PAGE2B: variants seen among roughly 807,000 people sequenced by gnomAD.
PAGE2B encodes PAGE family member 2B, also known as putative G antigen family E member 3.
In PAGE2B, 5 loss-of-function variants were observed where a neutral mutation model predicts 7.6. That is an observed-to-expected ratio of 0.66 (90% confidence interval 0.34 to 1.38). The LOEUF (loss-of-function observed/expected upper bound fraction) is 1.38. PAGE2B is among the 40% of genes most tolerant of loss of function. The probability of loss-of-function intolerance (pLI) is 0.04; values close to 1 mark genes in which losing one functional copy is unlikely to be tolerated. For synonymous variants in PAGE2B, 29 were observed against 26.7 expected (o/e 1.09, Z -0.27); for missense variants, 70 against 78.4 (o/e 0.89, Z 0.41).
chrX:55,035,520 G>T, the PAGE2B span, among the ~76,000 whole-genome samples: 13 of 111,529 alleles, frequency 1.2e-4, no homozygotes, highest in African/African-American at 3.9e-4. Context: ...AGTGAGTTTT[G>T]TAGATGTTGA....
the PAGE2B span, among the ~76,000 whole-genome samples, chrX:55,066,086 C>CTT: frequency 2.8e-3 from 312 of 110,767 alleles, 1 homozygote; most frequent in African/African-American, 1.0e-2. Flanking sequence ...CTTTCTTTCT[C>CTT]TTCTTTTTTC....
At chrX:55,050,042 T>C in the PAGE2B span, among the ~76,000 whole-genome samples, 1 of 112,491 alleles carries the variant, frequency 8.9e-6, no homozygotes, top group Non-Finnish European at 1.9e-5. Context: ...ACCATCTTTA[T>C]TTCTGCCTTC....
At chrX:55,043,968 A>AAATAATAATAATAATAATAAT in the PAGE2B span, among the ~76,000 whole-genome samples, 42 of 102,694 alleles carry the variant, frequency 4.1e-4, no homozygotes, top group African/African-American at 1.5e-3. Context: ...CTCTGTCTCT[A>AAATAATAATAATAATAATAAT]AATAATAATA....
chrX:55,054,372 A>C, the PAGE2B span, among the ~76,000 whole-genome samples: 1 of 112,731 alleles, frequency 8.9e-6, no homozygotes, highest in African/African-American at 3.2e-5. Context: ...AAGTCTATTT[A>C]CATGTCAGTG....
chrX:55,075,451 G>A (rs1936498573), intron 1 of PAGE2B, among the ~76,000 whole-genome samples: 1 of 111,054 alleles, frequency 9.0e-6, no homozygotes, highest in African/African-American at 3.3e-5. Flanking sequence ...GTAGGGACGC[G>A]GGAAGAGACC....
the PAGE2B span, among the ~76,000 whole-genome samples, chrX:55,045,401 C>T: frequency 8.0e-5 from 9 of 111,833 alleles, no homozygotes; most frequent in African/African-American, 2.9e-4. Flanking sequence ...TGCCTTAATA[C>T]TCAGAAGTTG....
At chrX:55,048,247 C>T in the PAGE2B span, among the ~76,000 whole-genome samples, 6 of 111,069 alleles carry the variant, frequency 5.4e-5, no homozygotes, top group Non-Finnish European at 1.1e-4. Flanking sequence ...AGTCAGGTAG[C>T]GTGATGCTTC....
the PAGE2B span, among the ~76,000 whole-genome samples, chrX:55,032,621 C>A: frequency 9.0e-6 from 1 of 111,358 alleles, no homozygotes; most frequent in South Asian, 3.8e-4. Context: ...ATAGAACCTA[C>A]CCTATTGGAT....
chrX:55,040,914 T>A, the PAGE2B span, among the ~76,000 whole-genome samples: 1 of 111,048 alleles, frequency 9.0e-6, no homozygotes, highest in Non-Finnish European at 1.9e-5. Context: ...CTCTGATAGG[T>A]CTGACCTTCT....
chrX:55,068,050 C>G, the PAGE2B span, among the ~76,000 whole-genome samples: 1 of 112,430 alleles, frequency 8.9e-6, no homozygotes, highest in East Asian at 2.8e-4. Context: ...TGCAGAAGCT[C>G]TTTAGTTTAA....
At chrX:55,044,962 A>T in the PAGE2B span, 2 of 111,740 alleles carry the variant, frequency 1.8e-5, no homozygotes, top group Non-Finnish European at 3.8e-5. Context: ...TTTCCCATAG[A>T]CACTATATCC....
the PAGE2B span, among the ~76,000 whole-genome samples, chrX:55,029,943 C>G: frequency 7.6e-5 from 8 of 104,908 alleles, no homozygotes; most frequent in South Asian, 3.6e-3. Flanking sequence ...TGCAGCATTC[C>G]TTGTCCCCCA....
chrX:55,035,752 A>T, the PAGE2B span, among the ~76,000 whole-genome samples: 2 of 112,230 alleles, frequency 1.8e-5, no homozygotes, highest in Non-Finnish European at 3.8e-5. Flanking sequence ...TAATATGAAG[A>T]TACTGATAAT....
the PAGE2B span, among the ~76,000 whole-genome samples, chrX:55,043,989 T>TAATAAC: frequency 9.4e-6 from 1 of 106,619 alleles, no homozygotes; most frequent in East Asian, 2.9e-4. Context: ...ATAATAATAA[T>TAATAAC]AATAATAATA....
upstream of PAGE2B, among the ~76,000 whole-genome samples, chrX:55,072,651 C>T (rs1338494213): frequency 1.8e-5 from 2 of 112,532 alleles, no homozygotes; most frequent in Admixed American, 1.9e-4. Context: ...CATTTAAGTC[C>T]ACTGCAGCTG....
the PAGE2B span, among the ~76,000 whole-genome samples, chrX:55,037,320 A>G: frequency 3.6e-5 from 4 of 112,362 alleles, no homozygotes; most frequent in Middle Eastern, 4.6e-3. Context: ...ATCACTGGCC[A>G]TCAGAGAAAT....
chrX:55,058,351 G>T, the PAGE2B span, among the ~76,000 whole-genome samples: 2 of 110,861 alleles, frequency 1.8e-5, no homozygotes, highest in African/African-American at 3.3e-5. Flanking sequence ...GTTTGTAGAT[G>T]GGGCATAAAG....
intron 1 of PAGE2B, 130 bp from the exon 2 acceptor site, chrX:55,075,904 A>C (rs979445947): frequency 4.5e-6 from 3 of 672,884 alleles, no homozygotes; most frequent in African/African-American, 2.2e-5. Context: ...GTACTTATCA[A>C]TGCTCTGTGA....
At chrX:55,034,726 T>A in the PAGE2B span, among the ~76,000 whole-genome samples, 3 of 106,712 alleles carry the variant, frequency 2.8e-5, no homozygotes, top group Non-Finnish European at 5.7e-5. Context: ...GGGACAGAAC[T>A]AATAGGAGAC....
Sources: allele counts gnomAD v4.1 joint callset (sites outside exome capture counted in the v4.1 genomes callset), GRCh38; gene constraint gnomAD v4.1.1; transcripts MANE v1.5; gene names NCBI Gene and HGNC (gene_info 2026-07-23, HGNC 2026-07-21).